LINGO2: variants seen among roughly 807,000 people sequenced by gnomAD.
LINGO2 encodes leucine rich repeat and Ig domain containing 2, also known as leucine-rich repeat and immunoglobulin-like domain-containing nogo receptor-interacting protein 2.
In LINGO2, 14 loss-of-function variants were observed where a neutral mutation model predicts 30.6. That is an observed-to-expected ratio of 0.46 (90% CI 0.30 to 0.72). LINGO2 has a LOEUF of 0.72. LINGO2 is among the 30% of genes least tolerant of loss of function. LINGO2 has a pLI of 0.07. For synonymous variants in LINGO2, 317 were observed against 288.5 expected (o/e 1.10, Z -1.00); for missense variants, 729 against 751.7 (o/e 0.97, Z 0.35).
chr9:28,773,832 T>G, the LINGO2 span, among the ~76,000 whole-genome samples: 1 of 152,150 alleles, frequency 6.6e-6, no homozygotes, highest in Non-Finnish European at 1.5e-5. Flanking sequence ...TGTGGATGTT[T>G]TTCAGTCCTC....
intron 4 of LINGO2, among the ~76,000 whole-genome samples, chr9:28,117,789 C>G (rs1826972054): frequency 6.6e-6 from 1 of 150,970 alleles, no homozygotes; most frequent in Admixed American, 6.6e-5. Context: ...TGCGCACACA[C>G]ACTGGCCTGC....
At chr9:28,895,748 A>T in the LINGO2 span, among the ~76,000 whole-genome samples, 1 of 152,086 alleles carries the variant, frequency 6.6e-6, no homozygotes, top group Admixed American at 6.6e-5. Flanking sequence ...AGGAGGGAGA[A>T]CCGAGGGAGA....
the LINGO2 span, among the ~76,000 whole-genome samples, chr9:29,064,481 T>C: frequency 4.1e-4 from 63 of 152,238 alleles, no homozygotes; most frequent in African/African-American, 1.4e-3. Flanking sequence ...CAGAATAGTT[T>C]ATCTAATTAA....
intron 2 of LINGO2, among the ~76,000 whole-genome samples, chr9:28,438,384 G>A (rs1297648805): frequency 1.3e-5 from 2 of 152,114 alleles, no homozygotes; most frequent in Non-Finnish European, 2.9e-5. Context: ...TTTTCCTTCC[G>A]TCTTCTTGAG....
At chr9:28,753,338 G>A in the LINGO2 span, among the ~76,000 whole-genome samples, 1 of 151,982 alleles carries the variant, frequency 6.6e-6, no homozygotes, top group Non-Finnish European at 1.5e-5. Context: ...TCTTCTTACA[G>A]AAAAGTATTT....
chr9:28,908,544 CA>C, the LINGO2 span, among the ~76,000 whole-genome samples: 14 of 151,652 alleles, frequency 9.2e-5, no homozygotes, highest in Non-Finnish European at 1.8e-4. Context: ...AAATAATTCA[CA>C]GAAAGAAAAT....
chr9:28,050,491 C>CAG lies in LINGO2; in HGVS notation c.-86-38088_-86-38087dup, dbSNP rs544870558. On this transcript the variant is annotated intron_variant, in intron 4 of 5. Transcript: ENST00000379992. ...TCATTCAAGAAAAACCACTGGGAAA[C>CAG]AGTTCAATGTTAAAATACTACAAGA... Among the ~76,000 whole-genome samples, 81 of 151,076 alleles carry CAG rather than the reference C, an allele frequency of 5.4e-4. 7 individuals carry two copies. Among genetic ancestry groups the CAG allele is most frequent in the African/African-American group, 1.9e-3 (77 of 40,994 alleles).
At chr9:28,408,774 C>A (rs12380050) in intron 2 of LINGO2, among the ~76,000 whole-genome samples, 16 of 127,510 alleles carry the variant, frequency 1.3e-4, no homozygotes, top group Non-Finnish European at 1.7e-4. Context: ...TATAAAAAAA[C>A]AAAAAAAAAA....
At chr9:28,189,713 A>G (rs35379624) in intron 4 of LINGO2, among the ~76,000 whole-genome samples, 2,004 of 92,954 alleles carry the variant, frequency 0.022, 109 homozygotes, top group Middle Eastern at 0.049. Flanking sequence ...GGAAGGAAGG[A>G]AGGAAGGAAG....
intron 3 of LINGO2, among the ~76,000 whole-genome samples, chr9:28,352,208 A>T (rs1465906481): frequency 6.6e-6 from 1 of 151,976 alleles, no homozygotes; most frequent in African/African-American, 2.4e-5. Context: ...AGGAAGTCAA[A>T]TTGTCCCTGT....
chr9:28,090,541 A>G (rs1826048851), intron 4 of LINGO2, among the ~76,000 whole-genome samples: 1 of 152,212 alleles, frequency 6.6e-6, no homozygotes, highest in South Asian at 2.1e-4. Flanking sequence ...CGCTCAATAA[A>G]TTACATATTG....
At chr9:28,948,825 T>G in the LINGO2 span, among the ~76,000 whole-genome samples, 1 of 152,006 alleles carries the variant, frequency 6.6e-6, no homozygotes, top group Non-Finnish European at 1.5e-5. Flanking sequence ...TAAAACAAAT[T>G]CTGTTGCTGC....
the LINGO2 span, among the ~76,000 whole-genome samples, chr9:29,096,771 A>T: frequency 7.1e-6 from 1 of 140,346 alleles, no homozygotes; most frequent in African/African-American, 2.7e-5. Context: ...TGCCAAGTGC[A>T]TCTCCGGTGA....
the LINGO2 span, among the ~76,000 whole-genome samples, chr9:28,848,253 CATAT>C: frequency 4.9e-5 from 5 of 101,616 alleles, no homozygotes; most frequent in Non-Finnish European, 7.4e-5. Flanking sequence ...TATATATACG[CATAT>C]ATAGTGTATA....
chr9:28,350,668 C>A (rs1176912466), intron 3 of LINGO2, among the ~76,000 whole-genome samples: 1 of 151,876 alleles, frequency 6.6e-6, no homozygotes, highest in Non-Finnish European at 1.5e-5. Context: ...CATCTACAGA[C>A]TCTCCACCCC....
At chr9:28,769,502 A>G in the LINGO2 span, among the ~76,000 whole-genome samples, 1 of 4,590 alleles carries the variant, frequency 2.2e-4, no homozygotes, top group African/African-American at 8.5e-4. Flanking sequence ...ATATATATAT[A>G]TATATATATA....
intron 2 of LINGO2, among the ~76,000 whole-genome samples, chr9:28,411,417 A>G (rs546421358): frequency 3.3e-5 from 5 of 152,202 alleles, no homozygotes; most frequent in East Asian, 1.9e-4. Flanking sequence ...TATCATGTAC[A>G]TTCATATAGT....
chr9:28,986,049 G>A, the LINGO2 span, among the ~76,000 whole-genome samples: 1 of 152,070 alleles, frequency 6.6e-6, no homozygotes, highest in South Asian at 2.1e-4. Flanking sequence ...GTTGTGAGAT[G>A]AGTCCACTTT....
the LINGO2 span, among the ~76,000 whole-genome samples, chr9:28,976,654 T>C: frequency 6.6e-6 from 1 of 152,070 alleles, no homozygotes; most frequent in African/African-American, 2.4e-5. Context: ...TTCAAAACAC[T>C]GATAGGATAG....
Sources: gnomAD v4.1 joint callset for allele counts (sites outside exome capture counted in the v4.1 genomes callset) on GRCh38, gnomAD v4.1.1 for gene constraint, MANE v1.5 for transcripts, NCBI Gene and HGNC (gene_info 2026-07-23, HGNC 2026-07-21) for gene names.